The following ZNF521 variants were observed in gnomAD, a reference collection of about 807,000 sequenced individuals.
The protein encoded by ZNF521 is LYST-interacting protein 3.
Under a neutral mutation model 105.5 loss-of-function variants are expected in ZNF521, and 14 were observed. The ratio of observed to expected loss-of-function variants is 0.13; its 90% CI spans 0.09 to 0.21. The LOEUF (loss-of-function observed/expected upper bound fraction) is 0.21. ZNF521 is among the 10% of genes least tolerant of loss of function. ZNF521 has a pLI of 1.00. For synonymous variants in ZNF521, 635 were observed against 606.0 expected (o/e 1.05, Z -0.70); for missense variants, 1,233 against 1,629.7 (o/e 0.76, Z 4.19).
chr18:25,313,628 C>T (rs2145118133), intron 3 of ZNF521, among the ~76,000 whole-genome samples: 1 of 152,214 alleles, frequency 6.6e-6, no homozygotes, highest in African/African-American at 2.4e-5. Context: ...GTATTTTTTT[C>T]AGTTTTAACA....
intron 4 of ZNF521, chr18:25,201,654 T>C (rs1490293998): frequency 6.6e-6 from 1 of 152,190 alleles, no homozygotes; most frequent in African/African-American, 2.4e-5. Context: ...TTCAAGGCTT[T>C]TAAGGAAGGA....
chr18:25,228,479 G>A (rs1287853190), intron 3 of ZNF521, among the ~76,000 whole-genome samples: 1 of 152,188 alleles, frequency 6.6e-6, no homozygotes, highest in East Asian at 1.9e-4. Context: ...TTTCACAAGG[G>A]CCAGATTTTA....
intron 5 of ZNF521, among the ~76,000 whole-genome samples, chr18:25,103,088 A>G (rs2033999432): frequency 2.6e-5 from 4 of 152,064 alleles, no homozygotes; most frequent in Admixed American, 2.6e-4. Flanking sequence ...GGAAGGCTGG[A>G]AAATTTGGTT....
In ZNF521 at chr18:25,226,292, G is replaced by A; in HGVS notation, c.1626C>T (p.Ser542=). The A allele has an allele frequency of 6.2e-7, 1 of 1,614,130 alleles. No homozygotes were observed. The change falls in exon 4 of 8, where the codon TCC becomes TCT. Residue 542 remains serine, a synonymous_variant. Transcript: ENST00000361524. This position sits in a 1 kb window ranked among gnomAD's most constrained non-coding sequence, Gnocchi z 4.1. ...IRQVHCDLSG[S]RFGSPVLGTP... is the part of the protein sequence containing the mutation. ...TCCCAAGCACTGGAGACCCAAATCG[G>A]GAGCCACTGAGGTCACAATGAACCT...
chr18:25,164,256 G>T (rs2035299159), intron 5 of ZNF521, among the ~76,000 whole-genome samples: 8 of 152,140 alleles, frequency 5.3e-5, no homozygotes, highest in Admixed American at 5.2e-4. Flanking sequence ...CCCCGGAGTG[G>T]GTTAACTTGC....
intron 5 of ZNF521, among the ~76,000 whole-genome samples, chr18:25,137,018 T>C (rs915117454): frequency 2.0e-5 from 3 of 152,128 alleles, no homozygotes; most frequent in African/African-American, 7.2e-5. Flanking sequence ...CTCTGTCTCC[T>C]TGTAACCCCC....
chr18:25,233,842 GA>G (rs1428126650), intron 3 of ZNF521, among the ~76,000 whole-genome samples: 1 of 152,106 alleles, frequency 6.6e-6, no homozygotes, highest in African/African-American at 2.4e-5. Flanking sequence ...GACACATTTC[GA>G]TTGCATGTGC....
rs1345901495 is a variant in ZNF521, at chr18:25,352,105, C to G, written c.-102G>C. ...CATCAGGATGGCTCCAGAGGGGGCC[C>G]CTAACCCGCAGGGACTCGCTCTGTA... On this transcript the variant is annotated 5_prime_UTR_variant, in exon 1 of 8. Coordinates refer to ENST00000361524, the MANE Select transcript of ZNF521 (RefSeq NM_015461.3). 6.2e-6 allele frequency: 3 copies of G among 481,748 alleles called. No homozygotes were observed. The highest frequency in any genetic ancestry group is 2.0e-5 in the African/African-American group (1 of 50,398). 29.8% of individuals were successfully genotyped at this position (481,748 alleles called of 1,614,324 possible).
chr18:25,195,130 A>G (rs377460448), intron 5 of ZNF521, 30 bp downstream of exon 5: 1 of 1,491,624 alleles, frequency 6.7e-7, no homozygotes, highest in African/African-American at 1.4e-5. Context: ...AGAAACATCT[A>G]TCTGTAATAA....
intron 3 of ZNF521, among the ~76,000 whole-genome samples, chr18:25,319,226 TAAAC>T (rs1241863746): frequency 5.3e-5 from 8 of 152,074 alleles, no homozygotes; most frequent in Non-Finnish European, 1.0e-4. Context: ...AATATACAAA[TAAAC>T]AAATGAATAA....
At chr18:25,349,000 C>A (rs990782073) in intron 2 of ZNF521, among the ~76,000 whole-genome samples, 2 of 152,122 alleles carry the variant, frequency 1.3e-5, no homozygotes, top group Admixed American at 6.5e-5. Flanking sequence ...GCAGGTGAAC[C>A]AAATGCTCAG....
At chr18:25,181,872 A>G (rs1441606329) in intron 5 of ZNF521, among the ~76,000 whole-genome samples, 2 of 152,152 alleles carry the variant, frequency 1.3e-5, no homozygotes, top group African/African-American at 4.8e-5. Context: ...CAGTGGGGGC[A>G]TTTCTCTCTG....
chr18:25,208,238 TGAGA>T (rs2036117047), intron 4 of ZNF521, among the ~76,000 whole-genome samples: 3 of 152,340 alleles, frequency 2.0e-5, no homozygotes, highest in East Asian at 1.9e-4. Context: ...AATTCTTTAC[TGAGA>T]GAAACATGAA....
chr18:25,308,188 C>T, intron 3 of ZNF521, among the ~76,000 whole-genome samples: 1 of 103,220 alleles, frequency 9.7e-6, no homozygotes, highest in Non-Finnish European at 1.8e-5. Flanking sequence ...GGCAAGACTG[C>T]ATCTCAAAAA....
chr18:25,132,926 C>G (rs967392057), intron 5 of ZNF521, among the ~76,000 whole-genome samples: 1 of 152,194 alleles, frequency 6.6e-6, no homozygotes, highest in Non-Finnish European at 1.5e-5. Context: ...ATTCTACCGT[C>G]TGCCCCGATC....
At chr18:25,111,086 C>T (rs569518767) in intron 5 of ZNF521, among the ~76,000 whole-genome samples, 3 of 152,002 alleles carry the variant, frequency 2.0e-5, no homozygotes, top group East Asian at 1.9e-4. Context: ...TTTAGCAGGG[C>T]CTCCTTACTG....
chr18:25,089,013 T>C (rs77142155), intron 7 of ZNF521, among the ~76,000 whole-genome samples: 7,324 of 152,300 alleles, frequency 0.048, 223 homozygotes, highest in Non-Finnish European at 0.066. Flanking sequence ...AAATGGAAGA[T>C]ATACATACTG....
chr18:25,124,262 A>G (rs940625949), intron 5 of ZNF521, among the ~76,000 whole-genome samples: 1 of 152,152 alleles, frequency 6.6e-6, no homozygotes, highest in African/African-American at 2.4e-5. Flanking sequence ...GAAGAGATAC[A>G]GGATGAGGAG....
At chr18:25,113,836 C>T (rs1045847775) in intron 5 of ZNF521, among the ~76,000 whole-genome samples, 8 of 145,976 alleles carry the variant, frequency 5.5e-5, no homozygotes, top group African/African-American at 2.0e-4. Context: ...ATCTTCTAGC[C>T]CCAGGCTGAC....
Sources: gnomAD v4.1 joint callset for allele counts (sites outside exome capture counted in the v4.1 genomes callset) on GRCh38, gnomAD v4.1.1 for gene constraint, Gnocchi (gnomAD v3.1) non-coding constraint, MANE v1.5 for transcripts, NCBI Gene and HGNC (gene_info 2026-07-23, HGNC 2026-07-21) for gene names.